Variants in MAGI2 observed in about 807,000 individuals in gnomAD.
The protein encoded by MAGI2 is membrane associated guanylate kinase, WW and PDZ domain containing 2.
A neutral mutation model predicts 133.3 loss-of-function variants in MAGI2; 35 were observed. The observed-to-expected ratio is 0.26, with a 90% confidence interval of 0.20 to 0.35. The LOEUF (loss-of-function observed/expected upper bound fraction) is 0.35. MAGI2 is among the 10% of genes least tolerant of loss of function. The probability of loss-of-function intolerance (pLI) is 1.00; values close to 1 mark genes in which losing one functional copy is unlikely to be tolerated. For missense variants in MAGI2, 1,636 were observed against 1,863.4 expected, an observed-to-expected ratio of 0.88 and a Z score of 2.25; for synonymous variants, 729 against 710.6, an observed-to-expected ratio of 1.03 and a Z score of -0.41.
chr7:78,849,731 C>T (rs184837919), intron 2 of MAGI2, among the ~76,000 whole-genome samples: 11 of 152,052 alleles, frequency 7.2e-5, no homozygotes, highest in South Asian at 4.2e-4. Context: ...CTAAAGATGA[C>T]GTTTCTGACA....
chr7:79,248,843 CATTTTATTTT>C (rs59420661), intron 1 of MAGI2, among the ~76,000 whole-genome samples: 1 of 149,790 alleles, frequency 6.7e-6, no homozygotes, highest in South Asian at 2.1e-4. Context: ...ATATTAAAAC[CATTTTATTTT>C]ATTTTATTTT....
rs140828645 is a variant in MAGI2 at position 78,990,905 on chromosome 7, T to TACACACACACACAC, written c.418+16171_418+16184dup. On this transcript the variant is annotated intron_variant, in intron 2 of 21. Transcript: ENST00000354212. The stretch of plus-strand genomic sequence containing the variant: ...TGAAATAAGAGATTTTATATGTACA[T>TACACACACACACAC]ACACACACACACACACACACACACA... 7.8e-3 allele frequency among the ~76,000 whole-genome samples: 1,106 copies of TACACACACACACAC among 141,480 alleles called. 6 individuals are homozygous for TACACACACACACAC. The highest frequency in any genetic ancestry group is 0.011 in the Middle Eastern group (3 of 280). The allele number at this position is 141,480 out of a possible 152,430, so 92.8% of individuals were successfully genotyped here. A position where few individuals can be genotyped will look rare whatever the true frequency, so the allele number is the denominator to read the frequency against.
intron 1 of MAGI2, among the ~76,000 whole-genome samples, chr7:79,331,245 C>T (rs953788495): frequency 6.6e-6 from 1 of 151,974 alleles, no homozygotes; most frequent in Non-Finnish European, 1.5e-5. Context: ...TTATATGCCT[C>T]GATGTATTGT....
intron 2 of MAGI2, among the ~76,000 whole-genome samples, chr7:78,915,891 G>A (rs2151624846): frequency 6.6e-6 from 1 of 152,034 alleles, no homozygotes; most frequent in African/African-American, 2.4e-5. Context: ...CTGAGAAGGT[G>A]GCGTGAGCAG....
At chr7:78,705,162 A>G (rs1028756933) in intron 2 of MAGI2, among the ~76,000 whole-genome samples, 3 of 152,054 alleles carry the variant, frequency 2.0e-5, no homozygotes, top group African/African-American at 7.2e-5. Context: ...TAATCCCCAC[A>G]TATCAATGGA....
intron 21 of MAGI2, among the ~76,000 whole-genome samples, chr7:78,076,832 G>A (rs1276348510): frequency 9.1e-6 from 1 of 109,390 alleles, no homozygotes; most frequent in Non-Finnish European, 1.7e-5. Context: ...CGGCCTGGGC[G>A]ACAGAGCGAG....
chr7:78,228,834 C>T (rs1031730369), intron 10 of MAGI2, among the ~76,000 whole-genome samples: 2 of 152,126 alleles, frequency 1.3e-5, no homozygotes, highest in Non-Finnish European at 2.9e-5. Flanking sequence ...GTAGCTGAGG[C>T]CGTTGTTACC....
intron 20 of MAGI2, among the ~76,000 whole-genome samples, chr7:78,121,900 T>C (rs1183784880): frequency 6.6e-6 from 1 of 152,182 alleles, no homozygotes; most frequent in South Asian, 2.1e-4. Context: ...ATGAAATAAC[T>C]TATAGCAGTG....
At chr7:78,652,160 C>T (rs1268495553) in intron 2 of MAGI2, among the ~76,000 whole-genome samples, 1 of 152,122 alleles carries the variant, frequency 6.6e-6, no homozygotes, top group Non-Finnish European at 1.5e-5. Flanking sequence ...AGCAAATAGA[C>T]ACTGAAGGTT....
At chr7:79,238,483 A>G (rs1039723601) in intron 1 of MAGI2, among the ~76,000 whole-genome samples, 4 of 152,168 alleles carry the variant, frequency 2.6e-5, no homozygotes, top group Non-Finnish European at 5.9e-5. Flanking sequence ...CAGGACATAT[A>G]CGTCAAGAAA....
intron 9 of MAGI2, among the ~76,000 whole-genome samples, chr7:78,308,921 C>T (rs988370374): frequency 3.9e-5 from 6 of 152,124 alleles, no homozygotes; most frequent in Non-Finnish European, 8.8e-5. Flanking sequence ...CTACGTGTAA[C>T]GTATTACTAT....
chr7:78,566,314 TGCTGAGG>T (rs1800937099), intron 3 of MAGI2, among the ~76,000 whole-genome samples: 1 of 152,112 alleles, frequency 6.6e-6, no homozygotes, highest in African/African-American at 2.4e-5. Flanking sequence ...GGTGGAAGGA[TGCTGAGG>T]GCCTTGAAAA....
intron 3 of MAGI2, among the ~76,000 whole-genome samples, chr7:78,558,692 T>A (rs1355272709): frequency 1.3e-5 from 2 of 152,124 alleles, no homozygotes; most frequent in Non-Finnish European, 2.9e-5. Flanking sequence ...AGAGGTCATA[T>A]GATAAAATGA....
At chr7:78,261,054 T>C (rs1231140103) in intron 9 of MAGI2, among the ~76,000 whole-genome samples, 2 of 152,076 alleles carry the variant, frequency 1.3e-5, no homozygotes, top group Admixed American at 1.3e-4. Context: ...TCAACATCTC[T>C]CACTTACCAC....
chr7:78,154,036 T>C (rs1464870637), intron 16 of MAGI2, among the ~76,000 whole-genome samples: 2 of 152,222 alleles, frequency 1.3e-5, no homozygotes, highest in Non-Finnish European at 2.9e-5. Flanking sequence ...GTTTGCATGG[T>C]TAGTGAGGTG....
At chr7:78,722,535 C>T (rs1030558516) in intron 2 of MAGI2, among the ~76,000 whole-genome samples, 3 of 151,950 alleles carry the variant, frequency 2.0e-5, no homozygotes, top group African/African-American at 7.2e-5. Flanking sequence ...GAGTTATTTG[C>T]TCAAGACTAT....
intron 10 of MAGI2, chr7:78,254,152 G>A (rs980639394): frequency 2.0e-5 from 3 of 152,208 alleles, no homozygotes; most frequent in African/African-American, 7.2e-5. Flanking sequence ...GGAAAAGTGA[G>A]AATGGGGTAG....
chr7:78,299,766 C>A (rs948308629), intron 9 of MAGI2, among the ~76,000 whole-genome samples: 2 of 151,976 alleles, frequency 1.3e-5, no homozygotes, highest in African/African-American at 4.8e-5. Flanking sequence ...TCAACCCCCA[C>A]CCTCCAACAG....
chr7:79,045,678 G>C (rs1388455500), intron 1 of MAGI2, among the ~76,000 whole-genome samples: 1 of 152,158 alleles, frequency 6.6e-6, no homozygotes, highest in African/African-American at 2.4e-5. Flanking sequence ...TGTAGTCCCA[G>C]CTATGCCGGA....
Sources: allele counts gnomAD v4.1 joint callset (sites outside exome capture counted in the v4.1 genomes callset), GRCh38; gene constraint gnomAD v4.1.1; transcripts MANE v1.5; gene names NCBI Gene and HGNC (gene_info 2026-07-23, HGNC 2026-07-21).